The following DLC1 variants were observed in gnomAD, a reference collection of about 807,000 sequenced individuals.
DLC1 encodes DLC1 Rho GTPase activating protein.
In DLC1, 54 loss-of-function variants were observed where a neutral mutation model predicts 140.3. That is an observed-to-expected ratio of 0.38 (90% CI 0.31 to 0.48). The LOEUF (loss-of-function observed/expected upper bound fraction) is 0.48. Among genes scored for constraint, DLC1 ranks in the 20% least tolerant of loss-of-function variants. The probability of loss-of-function intolerance (pLI) is 0.96; values close to 1 mark genes in which losing one functional copy is unlikely to be tolerated. For missense variants in DLC1, 2,536 were observed against 1,907.0 expected (o/e 1.33, Z -6.14); for synonymous variants, 986 against 728.1 (o/e 1.35, Z -5.70).
intron 5 of DLC1, among the ~76,000 whole-genome samples, chr8:13,278,192 T>C (rs1192361702): frequency 6.6e-6 from 1 of 152,242 alleles, no homozygotes; most frequent in Non-Finnish European, 1.5e-5. Flanking sequence ...TAACTGCTGA[T>C]GTAGACAGAC....
chr8:13,355,986 A>AG (rs1234231609), intron 4 of DLC1, among the ~76,000 whole-genome samples: 1 of 141,766 alleles, frequency 7.1e-6, no homozygotes, highest in East Asian at 2.4e-4. Flanking sequence ...GCTACTCAGG[A>AG]GGCAGAGGCA....
At chr8:13,542,292 A>G (rs1243345399) in intron 1 of DLC1, among the ~76,000 whole-genome samples, 5 of 152,150 alleles carry the variant, frequency 3.3e-5, no homozygotes, top group Admixed American at 2.6e-4. Flanking sequence ...TCCAGTAGCA[A>G]TTGTTGAAAG....
At position 13,308,570 on chromosome 8, in the gene DLC1, C is replaced by T. The variant is rs147320211; in HGVS notation, c.1315-3268G>A. ...TGAAAAATGCTGACACTTGCTCTAC[C>T]GTTAGTTAAAGCGGATTGTTAATTC... On this transcript the variant is annotated intron_variant, in intron 4 of 17. Transcript: ENST00000276297. Among the ~76,000 whole-genome samples, 379 of 152,140 alleles carry T rather than the reference C, an allele frequency of 2.5e-3. 1 individual carries two copies. Among genetic ancestry groups the T allele is most frequent in the Middle Eastern group, 0.01 (3 of 294 alleles).
chr8:13,540,318 T>C (rs117564372), intron 1 of DLC1, among the ~76,000 whole-genome samples: 1 of 152,234 alleles, frequency 6.6e-6, no homozygotes. Context: ...AATACTGTTA[T>C]GTTTAAAAAT....
upstream of DLC1, among the ~76,000 whole-genome samples, chr8:13,517,963 A>G (rs1245036602): frequency 1.3e-5 from 2 of 152,152 alleles, no homozygotes; most frequent in Non-Finnish European, 2.9e-5. Context: ...GTATTTTTAG[A>G]ATCTTTCTCT....
Position 13,125,100 on chromosome 8 carries a change from C to T in DLC1, c.1349-9443G>A, listed in dbSNP as rs145022955. Among the ~76,000 whole-genome samples the T allele has an allele frequency of 3.5e-3, 532 of 152,192 alleles. 6 individuals are homozygous for T. Among genetic ancestry groups the T allele is most frequent in the African/African-American group, 0.012 (497 of 41,526 alleles). ...CAAGCCATTCTCCTTCCTCACCCTT[C>T]CAAGTAGCTGGGATTACAGGTGCTC... On this transcript the variant is annotated intron_variant, in intron 5 of 17. Coordinates refer to ENST00000276297, the MANE Select transcript of DLC1 (RefSeq NM_182643.3).
intron 2 of DLC1, among the ~76,000 whole-genome samples, chr8:13,418,163 T>A (rs1466809954): frequency 1.3e-5 from 2 of 152,160 alleles, no homozygotes; most frequent in East Asian, 1.9e-4. Flanking sequence ...ATTTTGTAAG[T>A]TGCCTGTTCA....
At chr8:13,220,814 G>C (rs1034460485) in intron 5 of DLC1, among the ~76,000 whole-genome samples, 1 of 152,176 alleles carries the variant, frequency 6.6e-6, no homozygotes, top group Admixed American at 6.5e-5. Context: ...GGAAATATAC[G>C]GAGTTTGAAA....
At chr8:13,304,713 T>C in intron 5 of DLC1, 1 of 961,798 alleles carries the variant, frequency 1.0e-6, no homozygotes, top group Non-Finnish European at 1.2e-6. Context: ...CCATGTCTAA[T>C]TTTTCATATT....
rs1289561615 is a variant in DLC1 at position 13,227,668 on chromosome 8, T to A, written c.1348+77601A>T. On this transcript the variant is annotated intron_variant, in intron 5 of 17. Transcript: ENST00000276297. The stretch of plus-strand genomic sequence containing the variant: ...TGACCGTAGACCCTATATTAATGCA[T>A]CTTTTCAGGGGGTTAGACATACGTG... Among the ~76,000 whole-genome samples the A allele has an allele frequency of 2.0e-4, 31 of 152,188 alleles. 1 individual carries two copies. The highest frequency in any genetic ancestry group is 2.9e-5 in the Non-Finnish European group (2 of 68,040).
chr8:13,547,356 T>C (rs1803687090), intron 1 of DLC1, among the ~76,000 whole-genome samples: 3 of 152,068 alleles, frequency 2.0e-5, no homozygotes, highest in Non-Finnish European at 4.4e-5. Context: ...AGGGGTTCTC[T>C]TGTAATGGAC....
intron 1 of DLC1, among the ~76,000 whole-genome samples, chr8:13,565,518 A>C (rs1246361762): frequency 1.3e-5 from 2 of 152,212 alleles, no homozygotes; most frequent in African/African-American, 4.8e-5. Context: ...ATATGATAAA[A>C]TAAAATTTGG....
intron 2 of DLC1, among the ~76,000 whole-genome samples, chr8:13,462,221 A>G (rs1799698621): frequency 6.6e-6 from 1 of 152,010 alleles, no homozygotes; most frequent in Non-Finnish European, 1.5e-5. Flanking sequence ...ATTCAAGAAA[A>G]TTTTTATTGA....
intron 2 of DLC1, among the ~76,000 whole-genome samples, chr8:13,418,755 T>G (rs1459966605): frequency 1.3e-5 from 2 of 152,136 alleles, no homozygotes; most frequent in Non-Finnish European, 2.9e-5. Context: ...GTGAAGAAAG[T>G]CATTGGTAGC....
At chr8:13,090,157 C>T (rs754128463) in intron 15 of DLC1, 95 bp downstream of exon 15, 5 of 1,217,448 alleles carry the variant, frequency 4.1e-6, no homozygotes, top group Non-Finnish European at 5.8e-6. Context: ...GGCTACAGAT[C>T]CCCAGACAGA....
At chr8:13,219,158 A>ATG (rs374583105) in intron 5 of DLC1, among the ~76,000 whole-genome samples, 11,744 of 42,984 alleles carry the variant, frequency 0.27, 3,801 homozygotes, top group East Asian at 0.62. Flanking sequence ...ATATAATTAT[A>ATG]TGAATATAAC....
intron 5 of DLC1, among the ~76,000 whole-genome samples, chr8:13,117,471 C>T (rs187364811): frequency 2.6e-5 from 4 of 152,166 alleles, no homozygotes; most frequent in African/African-American, 9.6e-5. Context: ...GAGTAAGACT[C>T]TGTAACCGCT....
intron 6 of DLC1, among the ~76,000 whole-genome samples, chr8:13,112,217 C>T (rs1158242632): frequency 3.3e-5 from 5 of 152,198 alleles, no homozygotes; most frequent in Non-Finnish European, 7.3e-5. Flanking sequence ...CACAGTGGAA[C>T]AGACATGGCT....
chr8:13,566,885 A>G (rs1199922705), intron 1 of DLC1: 1 of 1,385,790 alleles, frequency 7.2e-7, no homozygotes, highest in African/African-American at 1.5e-5. Context: ...ACCTCCGCAG[A>G]GCTGATGGCA....
Sources: allele counts gnomAD v4.1 joint callset (sites outside exome capture counted in the v4.1 genomes callset), GRCh38; gene constraint gnomAD v4.1.1; transcripts MANE v1.5; gene names NCBI Gene and HGNC (gene_info 2026-07-23, HGNC 2026-07-21).